Variants in NTSR1 observed in about 807,000 individuals in gnomAD.
NTSR1 encodes the protein neurotensin receptor type 1.
NTSR1 carries 29 observed loss-of-function variants against 31.2 expected under a neutral mutation model. The observed-to-expected ratio is 0.93, with a 90% CI of 0.69 to 1.27. The LOEUF is 1.27. NTSR1 is among the 50% of genes most tolerant of loss of function. The pLI is 0.00. For missense variants in NTSR1, 697 were observed against 595.4 expected, an observed-to-expected ratio of 1.17 and a Z score of -1.78; for synonymous variants, 282 against 269.9, an observed-to-expected ratio of 1.04 and a Z score of -0.44.
intron 1 of NTSR1, among the ~76,000 whole-genome samples, chr20:62,721,750 C>T (rs1988830118): frequency 2.0e-5 from 3 of 152,228 alleles, no homozygotes. Context: ...CTGAGATTTC[C>T]TGTCACACTC....
At chr20:62,737,181 G>A (rs1989111313) in intron 1 of NTSR1, among the ~76,000 whole-genome samples, 1 of 152,218 alleles carries the variant, frequency 6.6e-6, no homozygotes, top group Non-Finnish European at 1.5e-5. Flanking sequence ...GTGTTCGTGA[G>A]GACGGGGCCA....
In NTSR1 at chr20:62,745,135, G is replaced by A. The variant is rs1989276346; in HGVS notation, c.715-9550G>A. Among the ~76,000 whole-genome samples, 1 of 152,198 alleles carries A rather than the reference G, an allele frequency of 6.6e-6. No homozygotes were observed. The highest frequency in any genetic ancestry group is 2.4e-5 in the African/African-American group (1 of 41,442). On this transcript the variant is annotated intron_variant, in intron 1 of 3. Transcript: ENST00000370501. This position sits in a 1 kb window ranked among gnomAD's most constrained non-coding sequence, Gnocchi z 4.1. ...AGCTACCCAGCCGGCTCCAGGGAGG[G>A]TGGCCCAGCCAGTTCCTGCCACCTG...
At chr20:62,716,120 C>T (rs6122461) in intron 1 of NTSR1, among the ~76,000 whole-genome samples, 8 of 152,216 alleles carry the variant, frequency 5.3e-5, no homozygotes, top group Non-Finnish European at 1.0e-4. Flanking sequence ...GTTCACATTG[C>T]TGTGCAACCG....
chr20:62,745,285 A>T lies in NTSR1; in HGVS notation c.715-9400A>T, dbSNP rs1209912413. On this transcript the variant is annotated intron_variant, in intron 1 of 3. Transcript: ENST00000370501. The surrounding 1 kb of genome is among the most constrained non-coding windows in gnomAD (Gnocchi z 4.1). ...GACATGGAGAGAGACACAGAGACAG[A>T]GAAACAGACACATAGAGGAAAACAG... 1.3e-5 allele frequency among the ~76,000 whole-genome samples: 2 copies of T among 152,140 alleles called. No individual in the cohort carries two copies. The highest frequency in any genetic ancestry group is 2.9e-5 in the Non-Finnish European group (2 of 68,008).
intron 1 of NTSR1, among the ~76,000 whole-genome samples, chr20:62,737,547 C>T (rs914403915): frequency 7.2e-5 from 11 of 152,168 alleles, no homozygotes; most frequent in African/African-American, 1.9e-4. Flanking sequence ...GCAGCATCCA[C>T]GCCTGCACTT....
chr20:62,751,171 C>T (rs538868023), intron 1 of NTSR1, among the ~76,000 whole-genome samples: 5 of 152,302 alleles, frequency 3.3e-5, no homozygotes, highest in East Asian at 3.9e-4. Context: ...GCCACGGTAC[C>T]TGGCCAATAG....
At position 62,741,843 on chromosome 20, in the gene NTSR1, G is replaced by T. The variant is rs1040532500; in HGVS notation, c.715-12842G>T. Among the ~76,000 whole-genome samples the T allele has an allele frequency of 6.7e-5, 10 of 149,614 alleles. 1 individual carries two copies. The East Asian group carries it at 6.8e-4, about 10-fold the overall frequency. On this transcript the variant is annotated intron_variant, in intron 1 of 3. Transcript: ENST00000370501. The surrounding 1 kb of genome is among the most constrained non-coding windows in gnomAD (Gnocchi z 4.3). The stretch of plus-strand genomic sequence containing the variant: ...GCTTCACCAGTGGGGATGAGGATCT[G>T]CTCATAGGATGGCCCCTGATGGAGG...
At chr20:62,736,441 G>A (rs540266849) in intron 1 of NTSR1, among the ~76,000 whole-genome samples, 39 of 152,236 alleles carry the variant, frequency 2.6e-4, no homozygotes, top group Non-Finnish European at 4.7e-4. Flanking sequence ...CAGTTTAGAC[G>A]CAGAATCTCC....
chr20:62,718,726 C>A (rs990629012), intron 1 of NTSR1, among the ~76,000 whole-genome samples: 5 of 152,154 alleles, frequency 3.3e-5, no homozygotes, highest in Non-Finnish European at 5.9e-5. Flanking sequence ...GCAGTCAGAT[C>A]CATTCTGTGG....
At chr20:62,757,710 G>C (rs2250075) in intron 2 of NTSR1, among the ~76,000 whole-genome samples, 118,559 of 152,162 alleles carry the variant, frequency 0.78, 47,880 homozygotes, top group East Asian at 0.92. Flanking sequence ...CTCAGACCAC[G>C]TGTCTCCTTC....
rs140405639 is a variant in NTSR1 at position 62,758,309 on chromosome 20, C to A, written c.960C>A (p.His320Gln). ...TTGTGGTCTGCTGGCTGCCCTACCACGTGCGGCGCCTCATGTTCTGCTACA... is the reference window on the plus strand; with the variant it reads ...TTGTGGTCTGCTGGCTGCCCTACCAAGTGCGGCGCCTCATGTTCTGCTACA... ...IAFVVCWLPY[H>Q]VRRLMFCYIS... The change falls in exon 3 of 4, where the codon CAC becomes CAA. Residue 320 changes from histidine to glutamine, a missense_variant. By Grantham distance (24) the His-to-Gln change is conservative. Coordinates refer to ENST00000370501, the MANE Select transcript of NTSR1 (RefSeq NM_002531.3). The surrounding 1 kb of genome is among the most constrained non-coding windows in gnomAD (Gnocchi z 4.5). 6.2e-7 allele frequency: 1 copy of A among 1,613,772 alleles called. No individual in the cohort carries two copies. The highest frequency in any genetic ancestry group is 1.7e-5 in the Admixed American group (1 of 60,018).
intron 1 of NTSR1, among the ~76,000 whole-genome samples, chr20:62,754,381 G>A (rs1355928701): frequency 6.6e-6 from 1 of 152,206 alleles, no homozygotes; most frequent in Non-Finnish European, 1.5e-5. Context: ...ACACCCCAGT[G>A]GTTGTGTTCC....
At chr20:62,748,627 G>A (rs1457544441) in intron 1 of NTSR1, among the ~76,000 whole-genome samples, 2 of 152,160 alleles carry the variant, frequency 1.3e-5, no homozygotes, top group African/African-American at 4.8e-5. Flanking sequence ...CTTTCGTACA[G>A]TCAAATCATC....
rs6062580 is a variant in NTSR1 at position 62,760,267 on chromosome 20, G to A, written c.1257G>A (p.Ter419=). Residue 419 remains the stop codon, a stop_retained_variant, in exon 4 of 4, where the codon TAG becomes TAA. Coordinates refer to ENST00000370501, the MANE Select transcript of NTSR1 (RefSeq NM_002531.3). ...ATGCCACCCGCGAGACGCTGTACTA[G>A]GCTGTGCGCCCCGGAACGTGTCCAG... ...SSNATRETLY[*] is the part of the protein sequence containing the mutation. The A allele has an allele frequency of 3.1e-6, 5 of 1,603,944 alleles. No individual in the cohort carries two copies. In the African/African-American group the frequency reaches 5.3e-5, roughly 17 times the overall value.
chr20:62,709,610 G>T lies in NTSR1; in HGVS notation c.403G>T (p.Ala135Ser). ...CTTCATCTGGGTGCACCACCCCTGGGCCTTCGGCGACGCCGGCTGCCGCGG... is the reference window on the plus strand; with the variant it reads ...CTTCATCTGGGTGCACCACCCCTGGTCCTTCGGCGACGCCGGCTGCCGCGG... Reference protein sequence around the residue: ...YNFIWVHHPWAFGDAGCRGYY... With the variant: ...YNFIWVHHPWSFGDAGCRGYY... The change falls in exon 1 of 4, where the codon GCC becomes TCC. Residue 135 changes from alanine (A) to serine (S), a missense_variant. Coordinates refer to ENST00000370501, the MANE Select transcript of NTSR1 (RefSeq NM_002531.3). 1 of 1,611,694 alleles carries T rather than the reference G, an allele frequency of 6.2e-7. No homozygotes were observed. Among genetic ancestry groups the T allele is most frequent in the East Asian group, 2.2e-5 (1 of 44,868 alleles).
intron 1 of NTSR1, among the ~76,000 whole-genome samples, chr20:62,730,728 C>T (rs1988988482): frequency 6.6e-6 from 1 of 152,250 alleles, no homozygotes; most frequent in Admixed American, 6.5e-5. Flanking sequence ...GGTTCTGTTG[C>T]TCCGCAGCCT....
chr20:62,730,227 G>C (rs6011926), intron 1 of NTSR1, among the ~76,000 whole-genome samples: 1 of 152,166 alleles, frequency 6.6e-6, no homozygotes, highest in South Asian at 2.1e-4. Flanking sequence ...TTCATTGCCC[G>C]AAAAAATCCT....
rs138319861 is a variant in NTSR1, at chr20:62,744,280, C to T, written c.715-10405C>T. Among the ~76,000 whole-genome samples the T allele has an allele frequency of 2.4e-4, 36 of 152,262 alleles. No homozygotes were observed. The East Asian group carries it at 5.6e-3, about 24-fold the overall frequency. ...TTAGAAATGAGGCTGAGGGGCTGGA[C>T]GCAGTGGCTCGTGTTTGTAATCCCA... On this transcript the variant is annotated intron_variant, in intron 1 of 3. Coordinates refer to ENST00000370501, the MANE Select transcript of NTSR1 (RefSeq NM_002531.3). This position sits in a 1 kb window ranked among gnomAD's most constrained non-coding sequence, Gnocchi z 4.1.
chr20:62,726,257 TCGGAGGAGACAGATCTCCC>T (rs1988904973), intron 1 of NTSR1, among the ~76,000 whole-genome samples: 1 of 152,142 alleles, frequency 6.6e-6, no homozygotes, highest in South Asian at 2.1e-4. Context: ...AGCACAGGAC[TCGGAGGAGACAGATCTCCC>T]AAGAGGCTCC....
Sources: allele counts gnomAD v4.1 joint callset (sites outside exome capture counted in the v4.1 genomes callset), GRCh38; gene constraint gnomAD v4.1.1; non-coding constraint Gnocchi (gnomAD v3.1); transcripts MANE v1.5; gene names NCBI Gene and HGNC (gene_info 2026-07-23, HGNC 2026-07-21).